Variants in LRP1B observed in about 807,000 individuals in gnomAD.
LRP1B encodes low-density lipoprotein receptor-related protein 1B.
In LRP1B, 217 loss-of-function variants were observed where a neutral mutation model predicts 556.6. That is an observed-to-expected ratio of 0.39 (90% CI 0.35 to 0.44). The LOEUF (loss-of-function observed/expected upper bound fraction) is 0.44. LRP1B is among the 20% of genes least tolerant of loss of function. The pLI is 1.00. For synonymous variants in LRP1B, 2,047 were observed against 1,865.8 expected (o/e 1.10, Z -2.50); for missense variants, 5,053 against 5,620.8 (o/e 0.90, Z 3.23).
intron 3 of LRP1B, among the ~76,000 whole-genome samples, chr2:141,294,629 A>G (rs1686111196): frequency 6.6e-6 from 1 of 151,718 alleles, no homozygotes; most frequent in Non-Finnish European, 1.5e-5. Flanking sequence ...AGTCCCAGTT[A>G]TTTAAAAGGC....
chr2:141,137,979 TG>T (rs1455341573), intron 7 of LRP1B, among the ~76,000 whole-genome samples: 1 of 151,694 alleles, frequency 6.6e-6, no homozygotes, highest in Non-Finnish European at 1.5e-5. Flanking sequence ...CAGACAAAAG[TG>T]TTATAAAAAT....
At chr2:140,984,969 C>G (rs935016895) in intron 17 of LRP1B, among the ~76,000 whole-genome samples, 2 of 152,100 alleles carry the variant, frequency 1.3e-5, no homozygotes, top group East Asian at 3.9e-4. Context: ...TCACAACATT[C>G]ACTTTTTCAT....
At chr2:140,485,299 T>C (rs756760069) in intron 59 of LRP1B, 44 bp downstream of exon 59, 5 of 1,471,062 alleles carry the variant, frequency 3.4e-6, no homozygotes, top group Non-Finnish European at 4.7e-6. Context: ...ACTATGAATG[T>C]AATCCAGTCT....
chr2:140,769,115 T>C (rs1559107735), intron 35 of LRP1B, 98 bp downstream of exon 35: 19 of 1,113,582 alleles, frequency 1.7e-5, no homozygotes, highest in Non-Finnish European at 2.3e-5. Context: ...ATTTCTCATC[T>C]TGACTATTAA....
intron 87 of LRP1B, among the ~76,000 whole-genome samples, chr2:140,239,975 A>G (rs1248131343): frequency 6.6e-6 from 1 of 150,888 alleles, no homozygotes; most frequent in South Asian, 2.1e-4. Context: ...GGTCCATGTG[A>G]CAAGTTAGGT....
In LRP1B at chr2:140,852,234, G is replaced by C. The variant is rs140632600; in HGVS notation, c.4580-451C>G. 8.0e-3 allele frequency among the ~76,000 whole-genome samples: 1,225 copies of C among 152,276 alleles called. 17 individuals carry two copies. The highest frequency in any genetic ancestry group is 0.028 in the African/African-American group (1,175 of 41,560). On this transcript the variant is annotated intron_variant, in intron 27 of 90. Coordinates refer to ENST00000389484, the MANE Select transcript of LRP1B (RefSeq NM_018557.3). The stretch of plus-strand genomic sequence containing the variant: ...CCCAGCTAGTCAGGAGGCTGAGGCA[G>C]GAGAATCACTTGAACCCGGGAGGCG...
chr2:141,520,707 C>A (rs1384570153), intron 2 of LRP1B, among the ~76,000 whole-genome samples: 1 of 152,060 alleles, frequency 6.6e-6, no homozygotes, highest in African/African-American at 2.4e-5. Context: ...GTTGATAGAG[C>A]TTATAAACTG....
At chr2:140,287,122 C>A (rs1683181591) in intron 84 of LRP1B, among the ~76,000 whole-genome samples, 1 of 151,812 alleles carries the variant, frequency 6.6e-6, no homozygotes, top group Non-Finnish European at 1.5e-5. Context: ...AATCTAGATT[C>A]TCATTTGACA....
At chr2:140,524,011 CA>C (rs1371425737) in intron 49 of LRP1B, among the ~76,000 whole-genome samples, 1 of 151,324 alleles carries the variant, frequency 6.6e-6, no homozygotes, top group Non-Finnish European at 1.5e-5. Flanking sequence ...ACGACAACAA[CA>C]AAAAAACTAT....
At chr2:141,739,249 A>G (rs1206660702) in intron 2 of LRP1B, among the ~76,000 whole-genome samples, 1 of 152,090 alleles carries the variant, frequency 6.6e-6, no homozygotes, top group Non-Finnish European at 1.5e-5. Context: ...CAGATCAATA[A>G]TCTCCTGGGA....
chr2:141,719,190 A>G (rs1378487786), intron 2 of LRP1B, among the ~76,000 whole-genome samples: 1 of 152,174 alleles, frequency 6.6e-6, no homozygotes, highest in African/African-American at 2.4e-5. Context: ...TAATTGGAAG[A>G]GTTGTATAGT....
At chr2:141,862,118 C>G (rs1038140387) in intron 1 of LRP1B, among the ~76,000 whole-genome samples, 1 of 152,106 alleles carries the variant, frequency 6.6e-6, no homozygotes, top group African/African-American at 2.4e-5. Flanking sequence ...TATAATGACT[C>G]TAATTTAATA....
chr2:141,858,579 C>G (rs143818078), intron 1 of LRP1B, among the ~76,000 whole-genome samples: 9 of 152,252 alleles, frequency 5.9e-5, no homozygotes, highest in African/African-American at 2.2e-4. Context: ...TCTTTTTCCT[C>G]AGAGAGCTTA....
chr2:141,270,553 G>T (rs2105367962), intron 3 of LRP1B, among the ~76,000 whole-genome samples: 1 of 152,122 alleles, frequency 6.6e-6, no homozygotes, highest in African/African-American at 2.4e-5. Context: ...ACTGACAGAT[G>T]AATGAATTAA....
intron 57 of LRP1B, among the ~76,000 whole-genome samples, chr2:140,489,057 A>AT (rs1322276960): frequency 2.6e-5 from 4 of 151,922 alleles, no homozygotes; most frequent in African/African-American, 9.7e-5. Context: ...CTCTTCAGAT[A>AT]TTTTTTTCCA....
At chr2:141,149,080 CA>C (rs1022553228) in intron 7 of LRP1B, among the ~76,000 whole-genome samples, 13 of 143,952 alleles carry the variant, frequency 9.0e-5, no homozygotes, top group Non-Finnish European at 1.1e-4. Context: ...TGCGATCTCT[CA>C]AAAAAAAAAG....
intron 66 of LRP1B, among the ~76,000 whole-genome samples, chr2:140,388,905 T>C (rs1019913972): frequency 2.0e-5 from 3 of 152,178 alleles, no homozygotes; most frequent in African/African-American, 7.2e-5. Context: ...TCAGTATTCA[T>C]TGAAGCTAGT....
chr2:141,139,565 T>G (rs1701579661), intron 7 of LRP1B, among the ~76,000 whole-genome samples: 1 of 151,722 alleles, frequency 6.6e-6, no homozygotes, highest in Non-Finnish European at 1.5e-5. Flanking sequence ...AGGGAATATA[T>G]GAATGGCAAA....
At chr2:141,985,427 C>T (rs975488083) in intron 1 of LRP1B, among the ~76,000 whole-genome samples, 2 of 152,068 alleles carry the variant, frequency 1.3e-5, no homozygotes, top group African/African-American at 4.8e-5. Context: ...ATGATTTCAA[C>T]ACTTTTGTCT....
Sources: gnomAD v4.1 joint callset for allele counts (sites outside exome capture counted in the v4.1 genomes callset) on GRCh38, gnomAD v4.1.1 for gene constraint, MANE v1.5 for transcripts, NCBI Gene and HGNC (gene_info 2026-07-23, HGNC 2026-07-21) for gene names.